The following FILIP1 variants were observed in gnomAD, a reference collection of about 807,000 sequenced individuals.
FILIP1 encodes the protein filamin-A-interacting protein 1.
In FILIP1, 61 loss-of-function variants were observed where a neutral mutation model predicts 102.1. The ratio of observed to expected loss-of-function variants is 0.60; its 90% confidence interval spans 0.49 to 0.74. The LOEUF (loss-of-function observed/expected upper bound fraction) is 0.74. Among genes scored for constraint, FILIP1 ranks in the 30% least tolerant of loss-of-function variants. The probability of loss-of-function intolerance (pLI) is 0.00; values close to 1 mark genes in which losing one functional copy is unlikely to be tolerated. For missense variants in FILIP1, 1,314 were observed against 1,441.2 expected (o/e 0.91, Z 1.43); for synonymous variants, 491 against 526.9 (o/e 0.93, Z 0.93).
chr6:75,372,677 GA>G (rs1340452840), intron 2 of FILIP1, among the ~76,000 whole-genome samples: 1 of 51,258 alleles, frequency 2.0e-5, no homozygotes, highest in African/African-American at 1.2e-4. Flanking sequence ...AAGAAAGAAA[GA>G]AAGAAAGAGA....
chr6:75,327,291 T>C (rs959851845), intron 4 of FILIP1, among the ~76,000 whole-genome samples: 1 of 152,162 alleles, frequency 6.6e-6, no homozygotes. Context: ...ACTTCCTCCA[T>C]TGCTATCCCC....
At chr6:75,424,213 A>G (rs1777562390) in intron 1 of FILIP1, among the ~76,000 whole-genome samples, 1 of 152,172 alleles carries the variant, frequency 6.6e-6, no homozygotes, top group African/African-American at 2.4e-5. Context: ...TAGCCATCAC[A>G]TCAATACTAC....
chr6:75,470,386 G>A (rs959231514), intron 1 of FILIP1, among the ~76,000 whole-genome samples: 4 of 152,236 alleles, frequency 2.6e-5, no homozygotes, highest in African/African-American at 9.6e-5. Context: ...TTTATAGAAA[G>A]TATAGTCAAT....
chr6:75,320,991 C>T (rs1382444766), intron 4 of FILIP1, among the ~76,000 whole-genome samples: 16 of 152,116 alleles, frequency 1.1e-4, no homozygotes, highest in Admixed American at 1.0e-3. Flanking sequence ...TTTTTTCTCT[C>T]ATAGGTTTTT....
chr6:75,326,104 T>C (rs1773848426), intron 4 of FILIP1, among the ~76,000 whole-genome samples: 2 of 148,026 alleles, frequency 1.4e-5, no homozygotes, highest in Non-Finnish European at 3.0e-5. Flanking sequence ...ATTAGATAGA[T>C]AGATAGAGAG....
rs778992996 is a variant in FILIP1, at chr6:75,312,959, G to T, written c.2873C>A (p.Pro958Gln). 3.1e-6 allele frequency: 5 copies of T among 1,614,030 alleles called. No homozygotes were observed. Among genetic ancestry groups the T allele is most frequent in the South Asian group, 1.1e-5 (1 of 91,086 alleles). ...TTTTTGTTTTTGAGGCATAACGTTT[G>T]GTGATGGAATAATGGTTATTCTTGG... ...QKPRITIIPS[P>Q]NVMPQKQKSG... is the part of the protein sequence containing the mutation. Residue 958 changes from proline to glutamine, a missense_variant, in exon 5 of 6, where the codon CCA becomes CAA. This residue lies in a region of FILIP1 where 816 missense variants were observed against 913.1 expected (regional missense o/e 0.89). Transcript: ENST00000237172.
At chr6:75,330,687 A>C (rs1005772207) in intron 4 of FILIP1, among the ~76,000 whole-genome samples, 4 of 152,242 alleles carry the variant, frequency 2.6e-5, no homozygotes, top group Non-Finnish European at 5.9e-5. Flanking sequence ...CCAGTAATTT[A>C]ATTACATTTC....
exon 7 of FILIP1, chr6:75,293,827 A>C (rs1772601066): frequency 6.6e-6 from 1 of 152,216 alleles, no homozygotes; most frequent in Admixed American, 6.5e-5. Context: ...GGCAAATAGG[A>C]TACTTAACTG....
intron 1 of FILIP1, chr6:75,473,713 C>A (rs1420897048): frequency 6.6e-6 from 1 of 152,092 alleles, no homozygotes; most frequent in Non-Finnish European, 1.5e-5. Flanking sequence ...ACAATCTCTA[C>A]CAAATCTATA....
At chr6:75,351,360 A>C (rs911235888) in intron 4 of FILIP1, among the ~76,000 whole-genome samples, 8 of 152,138 alleles carry the variant, frequency 5.3e-5, no homozygotes, top group Non-Finnish European at 8.8e-5. Context: ...ACATGCGGCC[A>C]CCACAGAATA....
At chr6:75,296,083 T>C (rs1166233876) in intron 6 of FILIP1, 4 of 528,550 alleles carry the variant, frequency 7.6e-6, no homozygotes, top group African/African-American at 5.9e-5. Flanking sequence ...TAATAGACTT[T>C]CCTGCATTAC....
intron 1 of FILIP1, among the ~76,000 whole-genome samples, chr6:75,475,751 G>A (rs1779456792): frequency 6.6e-6 from 1 of 152,138 alleles, no homozygotes; most frequent in Non-Finnish European, 1.5e-5. Flanking sequence ...TAGTTGACAA[G>A]AGGTTAGATC....
At chr6:75,443,618 G>A (rs1778347136) in intron 1 of FILIP1, among the ~76,000 whole-genome samples, 1 of 152,162 alleles carries the variant, frequency 6.6e-6, no homozygotes, top group Non-Finnish European at 1.5e-5. Context: ...TGCCAAGCAT[G>A]TTTTTAAATC....
chr6:75,414,236 G>A (rs1777174523), intron 2 of FILIP1, among the ~76,000 whole-genome samples: 1 of 151,674 alleles, frequency 6.6e-6, no homozygotes, highest in South Asian at 2.1e-4. Context: ...TGGGCAATAA[G>A]GCTGGTTTCA....
At chr6:75,357,925 G>T (rs2149607340) in intron 3 of FILIP1, among the ~76,000 whole-genome samples, 1 of 152,256 alleles carries the variant, frequency 6.6e-6, no homozygotes, top group East Asian at 1.9e-4. Context: ...CATGGCTTTT[G>T]GTTTTCAGGA....
chr6:75,380,430 G>C (rs1775876852), intron 2 of FILIP1, among the ~76,000 whole-genome samples: 1 of 152,040 alleles, frequency 6.6e-6, no homozygotes, highest in Non-Finnish European at 1.5e-5. Flanking sequence ...ACAATAATGA[G>C]ATACCATTAC....
At chr6:75,466,131 T>A (rs1057370267) in intron 1 of FILIP1, among the ~76,000 whole-genome samples, 8 of 152,178 alleles carry the variant, frequency 5.3e-5, no homozygotes, top group African/African-American at 1.9e-4. Context: ...TCCCTGACCA[T>A]CCTATTTAAA....
At chr6:75,351,251 A>T (rs1373969490) in intron 4 of FILIP1, among the ~76,000 whole-genome samples, 1 of 152,064 alleles carries the variant, frequency 6.6e-6, no homozygotes, top group East Asian at 1.9e-4. Flanking sequence ...TTTAGTAGAG[A>T]CAGGTTTCAC....
At chr6:75,444,890 C>A (rs1469946123) in intron 1 of FILIP1, among the ~76,000 whole-genome samples, 4 of 152,118 alleles carry the variant, frequency 2.6e-5, no homozygotes, top group African/African-American at 9.7e-5. Context: ...AATTTATAAT[C>A]CCCATGGAGT....
Sources: gnomAD v4.1 joint callset for allele counts (sites outside exome capture counted in the v4.1 genomes callset) on GRCh38, gnomAD v4.1.1 for gene constraint, gnomAD v4.1.1 regional missense constraint, MANE v1.5 for transcripts, NCBI Gene and HGNC (gene_info 2026-07-23, HGNC 2026-07-21) for gene names.